Variants in MIPEP observed in about 807,000 individuals in gnomAD.
MIPEP encodes mitochondrial intermediate peptidase.
A neutral mutation model predicts 90.3 loss-of-function variants in MIPEP; 79 were observed. The observed-to-expected ratio is 0.87, with a 90% CI of 0.73 to 1.05. The LOEUF is 1.05. Ranked by LOEUF, MIPEP falls within the 50% of genes least tolerant of loss-of-function variation. The pLI, the probability that MIPEP is intolerant of heterozygous loss-of-function variation, is 0.00. For missense variants in MIPEP, 940 were observed against 905.6 expected, an observed-to-expected ratio of 1.04 and a Z score of -0.49; for synonymous variants, 334 against 315.8, an observed-to-expected ratio of 1.06 and a Z score of -0.61.
intron 14 of MIPEP, among the ~76,000 whole-genome samples, chr13:23,815,512 T>C (rs1428742382): frequency 1.3e-5 from 2 of 152,212 alleles, no homozygotes; most frequent in African/African-American, 4.8e-5. Flanking sequence ...TTTTGCCATG[T>C]TGGCTGGGCT....
intron 14 of MIPEP, among the ~76,000 whole-genome samples, chr13:23,812,825 C>G (rs933801535): frequency 6.6e-6 from 1 of 152,178 alleles, no homozygotes. Flanking sequence ...ACCCAATTAT[C>G]TATTCAATGT....
At chr13:23,862,671 A>G (rs931320643) in intron 8 of MIPEP, among the ~76,000 whole-genome samples, 1 of 152,178 alleles carries the variant, frequency 6.6e-6, no homozygotes, top group South Asian at 2.1e-4. Flanking sequence ...ACTTTAAATC[A>G]CTACTTTTTG....
chr13:23,886,801 G>T (rs1481615245), intron 1 of MIPEP, among the ~76,000 whole-genome samples: 1 of 151,506 alleles, frequency 6.6e-6, no homozygotes, highest in African/African-American at 2.4e-5. Context: ...CCTAAGAGTG[G>T]CCGCAAAGAT....
chr13:23,883,286 G>A lies in MIPEP; in HGVS notation c.364-1499C>T, dbSNP rs764471886. On this transcript the variant is annotated intron_variant, in intron 2 of 18. Coordinates refer to ENST00000382172, the MANE Select transcript of MIPEP (RefSeq NM_005932.4). Reference sequence around the variant, plus strand: ...TAAAAATGTCAAAATAAGATATAGCGCAGAGAAGTTAAAATCTTTTAGTGA... The same window carrying A: ...TAAAAATGTCAAAATAAGATATAGCACAGAGAAGTTAAAATCTTTTAGTGA... Among the ~76,000 whole-genome samples, 19 of 151,652 alleles carry A rather than the reference G, an allele frequency of 1.3e-4. 1 individual carries two copies. The highest frequency in any genetic ancestry group is 2.1e-4 in the Non-Finnish European group (14 of 67,976).
chr13:23,875,684 A>G (rs918127695), intron 4 of MIPEP, among the ~76,000 whole-genome samples: 1 of 152,166 alleles, frequency 6.6e-6, no homozygotes, highest in Admixed American at 6.5e-5. Flanking sequence ...CCTTGAATGG[A>G]AATTTATAGT....
At chr13:23,805,608 G>A (rs993762667) in intron 16 of MIPEP, among the ~76,000 whole-genome samples, 12 of 152,086 alleles carry the variant, frequency 7.9e-5, no homozygotes, top group Admixed American at 1.3e-4. Context: ...TCTTTGCAAT[G>A]AAAATGATTC....
intron 16 of MIPEP, among the ~76,000 whole-genome samples, chr13:23,782,676 T>C (rs867326864): frequency 1.3e-5 from 2 of 152,078 alleles, no homozygotes; most frequent in East Asian, 1.9e-4. Flanking sequence ...AGCTGGTTTT[T>C]TGAAAAGATC....
intron 14 of MIPEP, among the ~76,000 whole-genome samples, chr13:23,834,395 G>T (rs568501274): frequency 6.6e-6 from 1 of 152,040 alleles, no homozygotes; most frequent in Non-Finnish European, 1.5e-5. Context: ...CAGCAGTCTA[G>T]AGGTTGCTCC....
chr13:23,866,352 T>A (rs1412227944), intron 7 of MIPEP, among the ~76,000 whole-genome samples: 1 of 152,024 alleles, frequency 6.6e-6, no homozygotes, highest in Non-Finnish European at 1.5e-5. Flanking sequence ...CCAGAGCACA[T>A]CTTACGTGAT....
chr13:23,760,539 C>A (rs758015787), intron 16 of MIPEP: 13 of 561,452 alleles, frequency 2.3e-5, no homozygotes, highest in South Asian at 1.7e-4. Context: ...TCACTGGTAT[C>A]TTGGAAGAGG....
At chr13:23,846,668 G>A (rs7318124) in intron 10 of MIPEP, among the ~76,000 whole-genome samples, 15,268 of 152,076 alleles carry the variant, frequency 0.1, 2,552 homozygotes, top group African/African-American at 0.35. Flanking sequence ...GTATTTTCAC[G>A]ACAATCTGTC....
At chr13:23,801,104 T>C (rs1282174753) in intron 16 of MIPEP, among the ~76,000 whole-genome samples, 1 of 152,202 alleles carries the variant, frequency 6.6e-6, no homozygotes, top group Non-Finnish European at 1.5e-5. Flanking sequence ...ATTGTTTAAT[T>C]TGGGGGAATA....
At chr13:23,782,142 C>T (rs1478476429) in intron 16 of MIPEP, among the ~76,000 whole-genome samples, 1 of 152,210 alleles carries the variant, frequency 6.6e-6, no homozygotes, top group Non-Finnish European at 1.5e-5. Context: ...CCCAAATCAA[C>T]AGAATATACA....
rs978785637 is a variant in MIPEP at position 23,762,905 on chromosome 13, G to A, written c.1849-2688C>T. Among the ~76,000 whole-genome samples the A allele has an allele frequency of 3.3e-5, 5 of 152,318 alleles. No individual in the cohort carries two copies. In the East Asian group the frequency reaches 5.8e-4, roughly 18 times the overall value. Reference sequence around the variant, plus strand: ...CCTTGGTAGAGCTGTGCCCTAGGTGGGAGGAGCTGGACACTCAAAATGTGG... The same window carrying A: ...CCTTGGTAGAGCTGTGCCCTAGGTGAGAGGAGCTGGACACTCAAAATGTGG... On this transcript the variant is annotated intron_variant, in intron 16 of 18. Transcript: ENST00000382172.
chr13:23,823,902 G>A (rs569428997), intron 14 of MIPEP, among the ~76,000 whole-genome samples: 14 of 152,280 alleles, frequency 9.2e-5, no homozygotes, highest in Admixed American at 8.5e-4. Context: ...CTTACTGAGT[G>A]CTTCATATGA....
At chr13:23,881,843 G>T in intron 2 of MIPEP, 56 bp from the exon 3 acceptor site, 1 of 1,367,894 alleles carries the variant, frequency 7.3e-7, no homozygotes, top group Non-Finnish European at 1.0e-6. Context: ...CTTTCTTCCA[G>T]GATCTGAGGG....
intron 14 of MIPEP, among the ~76,000 whole-genome samples, chr13:23,834,346 T>C (rs1301291782): frequency 6.6e-6 from 1 of 152,210 alleles, no homozygotes; most frequent in Non-Finnish European, 1.5e-5. Flanking sequence ...GTGTAACTTC[T>C]CCTCAGCCTT....
intron 14 of MIPEP, among the ~76,000 whole-genome samples, chr13:23,831,210 C>T (rs1868719652): frequency 6.6e-6 from 1 of 152,056 alleles, no homozygotes; most frequent in South Asian, 2.1e-4. Context: ...GACTTTTGCT[C>T]ATTTTCAGAA....
intron 16 of MIPEP, among the ~76,000 whole-genome samples, chr13:23,797,939 T>C (rs1269233938): frequency 6.6e-6 from 1 of 152,212 alleles, no homozygotes; most frequent in African/African-American, 2.4e-5. Flanking sequence ...GACAGCCAGA[T>C]ATAATGATGA....
Sources: allele counts gnomAD v4.1 joint callset (sites outside exome capture counted in the v4.1 genomes callset), GRCh38; gene constraint gnomAD v4.1.1; transcripts MANE v1.5; gene names NCBI Gene and HGNC (gene_info 2026-07-23, HGNC 2026-07-21).